NME8: variants seen among roughly 807,000 people sequenced by gnomAD.
NME8 encodes the protein NME/NM23 family member 8.
Under a neutral mutation model 82.3 loss-of-function variants are expected in NME8, and 72 were observed. The ratio of observed to expected loss-of-function variants is 0.87; its 90% CI spans 0.72 to 1.06. The LOEUF (loss-of-function observed/expected upper bound fraction) is 1.06, where lower values mean the gene tolerates loss of function less well. Ranked by LOEUF, NME8 falls within the 50% of genes least tolerant of loss-of-function variation. The probability of loss-of-function intolerance (pLI) is 0.00; values close to 1 mark genes in which losing one functional copy is unlikely to be tolerated. For synonymous variants in NME8, 267 were observed against 228.5 expected, an observed-to-expected ratio of 1.17 and a Z score of -1.52; for missense variants, 712 against 685.4, an observed-to-expected ratio of 1.04 and a Z score of -0.43.
chr7:37,890,984 T>C (rs1282963840), intron 15 of NME8, among the ~76,000 whole-genome samples: 1 of 151,988 alleles, frequency 6.6e-6, no homozygotes, highest in African/African-American at 2.4e-5. Flanking sequence ...TGCTGGATCA[T>C]ATATGGTAGT....
At chr7:37,864,241 CAATT>C in intron 8 of NME8, 103 bp from the exon 9 acceptor site, 3 of 1,362,988 alleles carry the variant, frequency 2.2e-6, no homozygotes, top group Non-Finnish European at 3.0e-6. Flanking sequence ...CAATGGGCAA[CAATT>C]AACTGATCAT....
rs535127559 is a variant in NME8, at chr7:37,894,492, G to T, written c.1426G>T (p.Ala476Ser). 5.0e-6 allele frequency: 8 copies of T among 1,613,006 alleles called. No homozygotes were observed. Among genetic ancestry groups the T allele is most frequent in the South Asian group, 1.1e-5 (1 of 91,056 alleles). Reference protein sequence around the residue: ...REQILKIVKEAGFDLTQVKKM... With the variant: ...REQILKIVKESGFDLTQVKKM... ...GCAGATCCTGAAGATAGTTAAGGAG[G>T]CTGGATTTGATCTGACACAGGTGAA... is the stretch of plus-strand genomic sequence containing the variant. Residue 476 changes from alanine (A) to serine (S), a missense_variant, in exon 16 of 18, where the codon GCT becomes TCT. Coordinates refer to ENST00000199447, the MANE Select transcript of NME8 (RefSeq NM_016616.5).
At chr7:37,861,691 G>T (rs1290814627) in intron 6 of NME8, among the ~76,000 whole-genome samples, 1 of 152,140 alleles carries the variant, frequency 6.6e-6, no homozygotes, top group Non-Finnish European at 1.5e-5. Context: ...AACTAGGGAG[G>T]ATGTCATTGG....
At chr7:37,880,399 C>A (rs193030336) in intron 12 of NME8, among the ~76,000 whole-genome samples, 1 of 152,108 alleles carries the variant, frequency 6.6e-6, no homozygotes, top group South Asian at 2.1e-4. Flanking sequence ...TGTGTCTAGA[C>A]TTACTGTTTT....
Position 37,867,710 on chromosome 7 carries a change from C to T in NME8, c.630C>T (p.Phe210=), listed in dbSNP as rs377131429. 21 of 1,612,044 alleles carry T rather than the reference C, an allele frequency of 1.3e-5. No individual in the cohort carries two copies. Among genetic ancestry groups the T allele is most frequent in the South Asian group, 2.2e-5 (2 of 91,024 alleles). ...FYSRIADQCD[F]EEFVSFMTSG... ...ATCATTTTATTTTGTAGTGTGACTTCGAAGAGTTTGTCTCTTTTATGACAA... is the reference window on the plus strand; with the variant it reads ...ATCATTTTATTTTGTAGTGTGACTTTGAAGAGTTTGTCTCTTTTATGACAA... Residue 210 remains phenylalanine, a synonymous_variant, in exon 11 of 18, where the codon TTC becomes TTT. Coordinates refer to ENST00000199447, the MANE Select transcript of NME8 (RefSeq NM_016616.5).
At chr7:37,878,749 G>A (rs1242752016) in intron 12 of NME8, among the ~76,000 whole-genome samples, 4 of 152,024 alleles carry the variant, frequency 2.6e-5, no homozygotes, top group Non-Finnish European at 4.4e-5. Flanking sequence ...TGTAGACTTC[G>A]AGAAAAATTA....
Position 37,884,460 on chromosome 7 carries a change from T to C in NME8, c.1139+13T>C, listed in dbSNP as rs1450746843. 1.2e-6 allele frequency: 2 copies of C among 1,605,610 alleles called. No individual in the cohort carries two copies. The highest frequency in any genetic ancestry group is 1.3e-5 in the African/African-American group (1 of 74,776). ...AAAACATGACCAGGTAGAATCCAGG[T>C]TGAGAAAATTCAGTCTGATTTATTT... On this transcript the variant is annotated intron_variant, in intron 13 of 17. Transcript: ENST00000199447.
intron 12 of NME8, among the ~76,000 whole-genome samples, chr7:37,881,907 G>A (rs1226955238): frequency 1.3e-5 from 2 of 152,136 alleles, no homozygotes; most frequent in African/African-American, 4.8e-5. Flanking sequence ...TGTATTTCAA[G>A]GAATGGGTCA....
intron 11 of NME8, among the ~76,000 whole-genome samples, chr7:37,872,163 T>C (rs1012428194): frequency 1.3e-5 from 2 of 152,056 alleles, no homozygotes; most frequent in African/African-American, 4.8e-5. Flanking sequence ...ACTTCCTGAC[T>C]CCTAAAGGGC....
intron 12 of NME8, among the ~76,000 whole-genome samples, chr7:37,877,231 A>G (rs2131960534): frequency 6.6e-6 from 1 of 152,324 alleles, no homozygotes; most frequent in African/African-American, 2.4e-5. Flanking sequence ...GTTAGAGTAG[A>G]TTTTAACATT....
chr7:37,870,986 C>G (rs922018404), intron 11 of NME8, among the ~76,000 whole-genome samples: 12 of 152,286 alleles, frequency 7.9e-5, no homozygotes, highest in African/African-American at 2.6e-4. Context: ...ACAAAAAACT[C>G]TCATGCGTAA....
At chr7:37,865,450 GC>G in intron 9 of NME8, 74 bp from the exon 10 acceptor site, 2 of 995,056 alleles carry the variant, frequency 2.0e-6, no homozygotes, top group Non-Finnish European at 3.2e-6. Flanking sequence ...GGTTTGTTAA[GC>G]CCAAAAAACA....
chr7:37,857,319 T>C lies in NME8; in HGVS notation c.244T>C (p.Cys82Arg), dbSNP rs771622383. The C allele has an allele frequency of 1.2e-6, 2 of 1,611,348 alleles. No individual in the cohort carries two copies. The highest frequency in any genetic ancestry group is 1.7e-6 in the Non-Finnish European group (2 of 1,178,044). ...GACTTTGCAGCCATTTAGAGATAAATGTGAACCTGTTTTTCTCTTTAGTGT... is the reference window on the plus strand; with the variant it reads ...GACTTTGCAGCCATTTAGAGATAAACGTGAACCTGTTTTTCTCTTTAGTGT... ...IVTLQPFRDKCEPVFLFSVNG... is the reference protein window; with the variant it reads ...IVTLQPFRDKREPVFLFSVNG... Residue 82 changes from cysteine (C) to arginine (R), a missense_variant, in exon 6 of 18, where the codon TGT (cysteine) becomes CGT (arginine). By Grantham distance (180) the Cys-to-Arg change is radical. Transcript: ENST00000199447.
intron 14 of NME8, among the ~76,000 whole-genome samples, chr7:37,886,468 C>T (rs997247682): frequency 1.3e-5 from 2 of 152,164 alleles, no homozygotes; most frequent in African/African-American, 2.4e-5. Context: ...CCACCACTTA[C>T]GGTTGCTTTA....
intron 10 of NME8, among the ~76,000 whole-genome samples, 168 bp from the exon 11 acceptor site, chr7:37,867,534 A>C (rs1468105367): frequency 6.6e-6 from 1 of 152,076 alleles, no homozygotes; most frequent in Non-Finnish European, 1.5e-5. Flanking sequence ...AAAAATAAAA[A>C]CCCCCAAACA....
At chr7:37,894,815 G>A (rs530283568) in intron 16 of NME8, among the ~76,000 whole-genome samples, 11 of 149,124 alleles carry the variant, frequency 7.4e-5, no homozygotes, top group Admixed American at 2.7e-4. Flanking sequence ...GTCTCTCCTC[G>A]CTCCCTTTCT....
intron 12 of NME8, among the ~76,000 whole-genome samples, chr7:37,878,797 C>A (rs1387245071): frequency 6.6e-6 from 1 of 152,154 alleles, no homozygotes; most frequent in Non-Finnish European, 1.5e-5. Flanking sequence ...CCTGCTCCCT[C>A]CCACCTTCTC....
At chr7:37,862,499 T>C (rs1274292632) in intron 7 of NME8, among the ~76,000 whole-genome samples, 1 of 152,182 alleles carries the variant, frequency 6.6e-6, no homozygotes, top group Non-Finnish European at 1.5e-5. Flanking sequence ...CTTTGCTCTT[T>C]TTTTTTGTTT....
At chr7:37,849,955 T>TGTACA (rs1229365547) in intron 2 of NME8, among the ~76,000 whole-genome samples, 3 of 152,076 alleles carry the variant, frequency 2.0e-5, no homozygotes, top group Non-Finnish European at 4.4e-5. Flanking sequence ...AAATCTAAAT[T>TGTACA]GTACATTTTA....
Sources: allele counts gnomAD v4.1 joint callset (sites outside exome capture counted in the v4.1 genomes callset), GRCh38; gene constraint gnomAD v4.1.1; transcripts MANE v1.5; gene names NCBI Gene and HGNC (gene_info 2026-07-23, HGNC 2026-07-21).